Variants in ZNF512B observed in about 807,000 individuals in gnomAD.
The protein encoded by ZNF512B is zinc finger protein 512B.
Under a neutral mutation model 87.8 loss-of-function variants are expected in ZNF512B, and 22 were observed. The observed-to-expected ratio is 0.25, with a 90% CI of 0.18 to 0.36. The LOEUF (loss-of-function observed/expected upper bound fraction) is 0.36. ZNF512B is among the 10% of genes least tolerant of loss of function. The probability of loss-of-function intolerance (pLI) is 1.00; values close to 1 mark genes in which losing one functional copy is unlikely to be tolerated. For synonymous variants in ZNF512B, 524 were observed against 490.9 expected (o/e 1.07, Z -0.89); for missense variants, 1,060 against 1,231.6 (o/e 0.86, Z 2.09).
intron 13 of ZNF512B, 30 bp downstream of exon 13, chr20:63,962,557 C>T (rs888004853): frequency 2.9e-5 from 46 of 1,591,860 alleles, no homozygotes; most frequent in Non-Finnish European, 3.8e-5. Context: ...GGCCACGGCG[C>T]TGTCCACAGC....
Position 63,959,742 on chromosome 20 carries a change from G to C in ZNF512B, c.*146C>G. The C allele has an allele frequency of 7.9e-7, 1 of 1,261,348 alleles. No homozygotes were observed. Among genetic ancestry groups the C allele is most frequent in the South Asian group, 1.6e-5 (1 of 62,708 alleles). 78.1% of individuals were successfully genotyped at this position (1,261,348 alleles called of 1,614,324 possible). ...CAGGGGAAGGGCCACCTTCAGGGAAGGGAGAGTGGCTGGCTGCCCCACTGG... is the reference window on the plus strand; with the variant it reads ...CAGGGGAAGGGCCACCTTCAGGGAACGGAGAGTGGCTGGCTGCCCCACTGG... On this transcript the variant is annotated 3_prime_UTR_variant, in exon 17 of 17. Transcript: ENST00000369888.
Position 63,967,244 on chromosome 20 carries a change from G to A in ZNF512B, c.264+137C>T, listed in dbSNP as rs1031678737. The A allele has an allele frequency of 4.5e-5, 62 of 1,378,236 alleles. 1 individual carries two copies. Among genetic ancestry groups the A allele is most frequent in the Admixed American group, 2.5e-4 (11 of 44,170 alleles). The allele number at this position is 1,378,236 out of a possible 1,614,324, so 85.4% of individuals were successfully genotyped here. A position where few individuals can be genotyped will look rare whatever the true frequency, so the allele number is the denominator to read the frequency against. Reference sequence around the variant, plus strand: ...CACATCAGATACAAAGCCAGGCCACGTGAAGTCTGCCAGGCCAGTGCCCAC... The same window carrying A: ...CACATCAGATACAAAGCCAGGCCACATGAAGTCTGCCAGGCCAGTGCCCAC... On this transcript the variant is annotated intron_variant, in intron 3 of 16. Transcript: ENST00000369888.
At position 63,962,314 on chromosome 20, in the gene ZNF512B, T is replaced by C; in HGVS notation, c.2224A>G (p.Asn742Asp). ...LNPQLLEAWK[N>D]EVKEKGHVNC... ...ACGTGGCCTTTCTCCTTCACTTCAT[T>C]CTTCCATGCCTCTAGCAGCTGGGGG... Residue 742 changes from asparagine to aspartate, a missense_variant, in exon 14 of 17, where the codon AAT becomes GAT. Around this residue, in one of 9 missense-constraint regions of ZNF512B, gnomAD observed 253 missense variants for 259.2 expected, o/e 0.98. Coordinates refer to ENST00000369888, the MANE Select transcript of ZNF512B (RefSeq NM_020713.3). 1 of 1,612,860 alleles carries C rather than the reference T, an allele frequency of 6.2e-7. No individual in the cohort carries two copies. The highest frequency in any genetic ancestry group is 8.5e-7 in the Non-Finnish European group (1 of 1,179,924).
rs1173579280 is a variant in ZNF512B at position 63,964,376 on chromosome 20, G to A, written c.1277C>T (p.Thr426Ile). 1.5e-5 allele frequency: 24 copies of A among 1,613,708 alleles called. No homozygotes were observed. In the Admixed American group the frequency reaches 4.0e-4, roughly 27 times the overall value. The change falls in exon 7 of 17, where the codon ACA becomes ATA. Residue 426 changes from threonine (T) to isoleucine (I), a missense_variant. Thr to Ile is a moderately conservative substitution (Grantham distance 89). Around this residue, in one of 9 missense-constraint regions of ZNF512B, gnomAD observed 212 missense variants for 207.6 expected, o/e 1.02. Transcript: ENST00000369888. ...CTGCTCCCCTGTAAACTTTTTGGGT[G>A]TTTTCTGTTTCCTTCCTGACTCGGG... ...ERTKHRRKQK[T>I]PKKFTGEQPS...
chr20:63,966,056 T>C lies in ZNF512B; in HGVS notation c.1034+85A>G, dbSNP rs1186475517. The C allele has an allele frequency of 2.0e-4, 120 of 612,404 alleles. 31 individuals carry two copies. The South Asian group carries it at 3.2e-3, about 17-fold the overall frequency. 37.9% of individuals were successfully genotyped at this position (612,404 alleles called of 1,614,324 possible). ...TGGGACGAGCCCCCATACCTTTTCT[T>C]ACCACTGTTCCTCCCTGACCTGGGA... is the stretch of plus-strand genomic sequence containing the variant. On this transcript the variant is annotated intron_variant, in intron 5 of 16. Coordinates refer to ENST00000369888, the MANE Select transcript of ZNF512B (RefSeq NM_020713.3).
chr20:63,963,200 C>A lies in ZNF512B; in HGVS notation c.1863G>T (p.Pro621=), dbSNP rs775931093. The change falls in exon 12 of 17, where the codon CCG becomes CCT. Residue 621 remains proline, a synonymous_variant. Coordinates refer to ENST00000369888, the MANE Select transcript of ZNF512B (RefSeq NM_020713.3). ...YQYHQRRCGK[P]PCEVDSPSFP... The stretch of plus-strand genomic sequence containing the variant: ...AGGAGGGGCTGTCCACCTCGCAGGG[C>A]GGCTTCCCGCAGCGCCGCTGGTGGT... 1.3e-6 allele frequency: 2 copies of A among 1,547,044 alleles called. No homozygotes were observed. The highest frequency in any genetic ancestry group is 1.9e-5 in the Admixed American group (1 of 51,592).
At chr20:63,962,252 C>A (rs767383980) in intron 14 of ZNF512B, 21 bp downstream of exon 14, 29 of 1,595,162 alleles carry the variant, frequency 1.8e-5, no homozygotes, top group Middle Eastern at 3.5e-4. Flanking sequence ...CCACGCCCCC[C>A]ACCCGGCTGC....
At chr20:63,965,772 C>T (rs559666299) in intron 5 of ZNF512B, among the ~76,000 whole-genome samples, 8 of 11,190 alleles carry the variant, frequency 7.1e-4, no homozygotes, top group African/African-American at 6.5e-3. Context: ...CGACCTGGGA[C>T]GAGCCCCCAT....
chr20:63,964,636 A>G lies in ZNF512B; in HGVS notation c.1115T>C (p.Met372Thr), dbSNP rs770990283. ...CAGCTGGAAGGCCGAGCTCTGGCCC[A>G]TGGAGGAGGGGCCGTACTCCCCATT... ...PENGEYGPSS[M>T]GQSSAFQLSA... Residue 372 changes from methionine (M) to threonine (T), a missense_variant, in exon 6 of 17, where the codon ATG becomes ACG. By Grantham distance (81) the Met-to-Thr change is moderately conservative. Coordinates refer to ENST00000369888, the MANE Select transcript of ZNF512B (RefSeq NM_020713.3). 4 of 1,612,750 alleles carry G rather than the reference A, an allele frequency of 2.5e-6. No homozygotes were observed. Among genetic ancestry groups the G allele is most frequent in the Non-Finnish European group, 3.4e-6 (4 of 1,179,980 alleles).
chr20:63,963,545 CG>C (rs1372024525), intron 10 of ZNF512B, 72 bp downstream of exon 10: 1 of 1,599,446 alleles, frequency 6.3e-7, no homozygotes, highest in Non-Finnish European at 8.5e-7. Context: ...GGTTAGAAAC[CG>C]GGGGCACTGC....
rs1475508005 is a variant in ZNF512B, at chr20:63,962,796, G to T, written c.1969-15C>A. The stretch of plus-strand genomic sequence containing the variant: ...TCCTCAGGGGGCTGGAGGGCAGGAA[G>T]GCATGGAGGCTAGAGTGAGCCGCGG... On this transcript the variant is annotated splice_polypyrimidine_tract_variant and intron_variant, in intron 12 of 16. Transcript: ENST00000369888. 6.3e-7 allele frequency: 1 copy of T among 1,585,534 alleles called. No individual in the cohort carries two copies. The highest frequency in any genetic ancestry group is 1.8e-5 in the Admixed American group (1 of 56,450).
intron 9 of ZNF512B, 24 bp from the exon 10 acceptor site, chr20:63,963,734 A>C (rs1362866184): frequency 2.5e-6 from 4 of 1,613,112 alleles, no homozygotes; most frequent in Non-Finnish European, 3.4e-6. Flanking sequence ...ACATGTGAGA[A>C]GCCTGCCTGG....
rs529634668 is a variant in ZNF512B at position 63,961,555 on chromosome 20, T to C, written c.2329-148A>G. The C allele has an allele frequency of 1.1e-4, 80 of 735,508 alleles. No homozygotes were observed. In the African/African-American group the frequency reaches 1.3e-3, roughly 12 times the overall value. The allele number at this position is 735,508 out of a possible 1,614,324, so 45.6% of individuals were successfully genotyped here. On this transcript the variant is annotated intron_variant, in intron 15 of 16. Coordinates refer to ENST00000369888, the MANE Select transcript of ZNF512B (RefSeq NM_020713.3). This position sits in a 1 kb window ranked among gnomAD's most constrained non-coding sequence, Gnocchi z 6.4. ...CAGACAATGCAGGGGGCCACTGAGT[T>C]ACCAGGGCGGCAGGGGTGGTAGGGG...
chr20:63,961,816 G>A lies in ZNF512B; in HGVS notation c.2328+126C>T. ...GGCCAGTCTCTGGGTTCGTGGAAGA[G>A]GAGGCCACGTAGAAAAAGTAGGGGA... On this transcript the variant is annotated intron_variant, in intron 15 of 16. Coordinates refer to ENST00000369888, the MANE Select transcript of ZNF512B (RefSeq NM_020713.3). This position sits in a 1 kb window ranked among gnomAD's most constrained non-coding sequence, Gnocchi z 6.4. 2.0e-6 allele frequency: 2 copies of A among 999,112 alleles called. No individual in the cohort carries two copies. Among genetic ancestry groups the A allele is most frequent in the South Asian group, 1.5e-5 (1 of 67,214 alleles). 61.9% of individuals were successfully genotyped at this position (999,112 alleles called of 1,614,324 possible).
chr20:63,962,432 A>G (rs1169827677), intron 13 of ZNF512B, 58 bp from the exon 14 acceptor site: 2 of 1,568,900 alleles, frequency 1.3e-6, no homozygotes, highest in African/African-American at 1.4e-5. Context: ...CAGCTGCTCT[A>G]AGAACACTCG....
chr20:63,966,624 C>T lies in ZNF512B; in HGVS notation c.551G>A (p.Arg184Gln), dbSNP rs770708330. 3.7e-5 allele frequency: 59 copies of T among 1,613,140 alleles called. No homozygotes were observed. The highest frequency in any genetic ancestry group is 1.2e-4 in the Admixed American group (7 of 59,982). ...GPISRPVTIS[R>Q]PVGVSKPIGV... is the part of the protein sequence containing the mutation. The stretch of plus-strand genomic sequence containing the variant: ...GATGGGCTTGCTGACCCCAACAGGC[C>T]GGCTGATGGTGACCGGCCTGCTGAT... The change falls in exon 5 of 17, where the codon CGG becomes CAG. Residue 184 changes from arginine to glutamine, a missense_variant. Around this residue, in one of 9 missense-constraint regions of ZNF512B, gnomAD observed 201 missense variants for 226.8 expected, o/e 0.89. Coordinates refer to ENST00000369888, the MANE Select transcript of ZNF512B (RefSeq NM_020713.3).
chr20:63,967,063 G>A (rs113601772), intron 3 of ZNF512B, 59 bp from the exon 4 acceptor site: 171 of 1,604,724 alleles, frequency 1.1e-4, no homozygotes, highest in African/African-American at 9.1e-4. Flanking sequence ...CTGCCAGCCC[G>A]AGCCCCAGAC....
rs998003627 is a variant in ZNF512B, at chr20:63,957,628, GGATTAT to G, written c.*2254_*2259del. 1 of 152,586 alleles carries G rather than the reference GGATTAT, an allele frequency of 6.6e-6. No homozygotes were observed. The highest frequency in any genetic ancestry group is 2.4e-5 in the African/African-American group (1 of 41,420). The allele number at this position is 152,586 out of a possible 1,614,324, so 9.5% of individuals were successfully genotyped here. A position where few individuals can be genotyped will look rare whatever the true frequency, so the allele number is the denominator to read the frequency against. On this transcript the variant is annotated 3_prime_UTR_variant, in exon 17 of 17. Coordinates refer to ENST00000369888, the MANE Select transcript of ZNF512B (RefSeq NM_020713.3). The stretch of plus-strand genomic sequence containing the variant: ...TCCAGGACTCCTCTTCCCACACCAG[GGATTAT>G]CTGTGGGCTTTGGGAGTGTCCCGGA...
Position 63,966,121 on chromosome 20 carries a change from C to T in ZNF512B, c.1034+20G>A. 1 of 1,559,168 alleles carries T rather than the reference C, an allele frequency of 6.4e-7. No homozygotes were observed. The highest frequency in any genetic ancestry group is 1.7e-5 in the Admixed American group (1 of 58,354). ...TTTTCTTACCACTGTTCCTCCCCGACCTGGGACGAGCCCCCATACCTTTTC... is the reference window on the plus strand; with the variant it reads ...TTTTCTTACCACTGTTCCTCCCCGATCTGGGACGAGCCCCCATACCTTTTC... On this transcript the variant is annotated intron_variant, in intron 5 of 16. Coordinates refer to ENST00000369888, the MANE Select transcript of ZNF512B (RefSeq NM_020713.3).
Sources: gnomAD v4.1 joint callset for allele counts (sites outside exome capture counted in the v4.1 genomes callset) on GRCh38, gnomAD v4.1.1 for gene constraint, gnomAD v4.1.1 regional missense constraint, Gnocchi (gnomAD v3.1) non-coding constraint, MANE v1.5 for transcripts, NCBI Gene and HGNC (gene_info 2026-07-23, HGNC 2026-07-21) for gene names.